The following SLC44A2 variants were observed in gnomAD, a reference collection of about 807,000 sequenced individuals.
The protein encoded by SLC44A2 is solute carrier family 44 member 2 (CTL2 blood group).
Under a neutral mutation model 90.8 loss-of-function variants are expected in SLC44A2, and 57 were observed. That is an observed-to-expected ratio of 0.63 (90% confidence interval 0.51 to 0.78). The LOEUF (loss-of-function observed/expected upper bound fraction) is 0.78, where lower values mean the gene tolerates loss of function less well. SLC44A2 is among the 30% of genes least tolerant of loss of function. The pLI is 0.00. For synonymous variants in SLC44A2, 355 were observed against 360.7 expected (o/e 0.98, Z 0.18); for missense variants, 794 against 919.7 (o/e 0.86, Z 1.77).
chr19:10,639,229 C>T (rs939118001), intron 20 of SLC44A2, among the ~76,000 whole-genome samples: 4 of 152,186 alleles, frequency 2.6e-5, no homozygotes, highest in African/African-American at 9.7e-5. Flanking sequence ...CCACCACGCC[C>T]GACCTCAGAC....
rs149430874 is a variant in SLC44A2, at chr19:10,631,655, G to A, written c.532G>A (p.Ala178Thr). 1.3e-4 allele frequency: 214 copies of A among 1,613,506 alleles called. No individual in the cohort carries two copies. Among genetic ancestry groups the A allele is most frequent in the South Asian group, 1.9e-4 (17 of 91,094 alleles). Reference sequence around the variant, plus strand: ...CCGGAGATGCTTCCCCGCTATCCACGCCTACAAGGGTGTCCTGATGGTGGG... The same window carrying A: ...CCGGAGATGCTTCCCCGCTATCCACACCTACAAGGGTGTCCTGATGGTGGG... ...LARRCFPAIHAYKGVLMVGNE... is the reference protein window; with the variant it reads ...LARRCFPAIHTYKGVLMVGNE... Residue 178 changes from alanine to threonine, a missense_variant, in exon 8 of 22, where the codon GCC becomes ACC. Transcript: ENST00000335757.
At chr19:10,624,144 C>T (rs1351166168), upstream of SLC44A2, among the ~76,000 whole-genome samples, 2 of 150,204 alleles carry the variant, frequency 1.3e-5, no homozygotes, top group African/African-American at 4.9e-5. Context: ...ACTACAGGTG[C>T]ACACCACAAC....
upstream of SLC44A2, among the ~76,000 whole-genome samples, chr19:10,623,303 A>G (rs1411583324): frequency 6.6e-6 from 1 of 151,794 alleles, no homozygotes; most frequent in Non-Finnish European, 1.5e-5. Flanking sequence ...CTAGGAGGAG[A>G]GGGCGCCTTT....
At chr19:10,622,188 G>A (rs192449792), upstream of SLC44A2, among the ~76,000 whole-genome samples, 10 of 152,322 alleles carry the variant, frequency 6.6e-5, no homozygotes, top group East Asian at 3.9e-4. Context: ...CCTGCTGAGC[G>A]TGGGACGTAC....
In SLC44A2 at chr19:10,642,369, G is replaced by C; in HGVS notation, c.1932G>C (p.Thr644=). ...ACAGCTCGTTTCTCCTTGCCCAGAC[G>C]GTGATCGTTGGCTCCTACTTGATTG... The part of the protein sequence containing the change: ...PLNYYWVPIL[T]VIVGSYLIAH... Residue 644 remains threonine (T), a splice_region_variant and synonymous_variant, in exon 21 of 22, where the codon ACG becomes ACC. Coordinates refer to ENST00000335757, the MANE Select transcript of SLC44A2 (RefSeq NM_020428.4). The C allele has an allele frequency of 1.2e-6, 2 of 1,614,018 alleles. No homozygotes were observed. Among genetic ancestry groups the C allele is most frequent in the Non-Finnish European group, 1.7e-6 (2 of 1,179,960 alleles).
intron 2 of SLC44A2, among the ~76,000 whole-genome samples, chr19:10,626,693 A>T (rs553356510): frequency 6.0e-5 from 9 of 151,160 alleles, no homozygotes; most frequent in South Asian, 2.1e-4. Flanking sequence ...AAGTGCTGGG[A>T]TTACAGGTGT....
chr19:10,603,614 C>T (rs1157486711), intron 1 of SLC44A2, among the ~76,000 whole-genome samples: 1 of 152,196 alleles, frequency 6.6e-6, no homozygotes, highest in Non-Finnish European at 1.5e-5. Context: ...GAGGCTGGGA[C>T]CTTCCCTGCA....
intron 20 of SLC44A2, chr19:10,641,050 G>A: frequency 2.4e-6 from 1 of 423,702 alleles, no homozygotes; most frequent in South Asian, 1.7e-5. Context: ...TCCCACCACT[G>A]CACTCCAGCC....
rs140808248 is a variant in SLC44A2 at position 10,631,281 on chromosome 19, G to C, written c.337G>C (p.Val113Leu). Residue 113 changes from valine to leucine, a missense_variant, in exon 6 of 22, where the codon GTG becomes CTG. Coordinates refer to ENST00000335757, the MANE Select transcript of SLC44A2 (RefSeq NM_020428.4). ...EFQCPTPQIC[V>L]EKCPDRYLTY... Reference sequence around the variant, plus strand: ...CTTCCTTCTCCCCTCCCAGATCTGCGTGGAAAAATGCCCCGACCGCTACCT... The same window carrying C: ...CTTCCTTCTCCCCTCCCAGATCTGCCTGGAAAAATGCCCCGACCGCTACCT... 4.7e-5 allele frequency: 76 copies of C among 1,613,886 alleles called. No homozygotes were observed. Among genetic ancestry groups the C allele is most frequent in the Non-Finnish European group, 5.0e-5 (59 of 1,180,020 alleles).
At chr19:10,633,289 G>A (rs1390493085) in intron 10 of SLC44A2, among the ~76,000 whole-genome samples, 1 of 151,012 alleles carries the variant, frequency 6.6e-6, no homozygotes, top group Non-Finnish European at 1.5e-5. Flanking sequence ...CTCGCCTCCC[G>A]AGTATCTGGG....
rs772264206 is a variant in SLC44A2, at chr19:10,637,689, G to C, written c.1637G>C (p.Cys546Ser). 8.7e-6 allele frequency: 14 copies of C among 1,613,982 alleles called. No individual in the cohort carries two copies. The Admixed American group carries it at 2.3e-4, about 27-fold the overall frequency. Reference protein sequence around the residue: ...FAKCLMTCLKCCFWCLEKFIK... With the variant: ...FAKCLMTCLKSCFWCLEKFIK... ...AAGTGCCTCATGACCTGTCTCAAAT[G>C]CTGCTTCTGGTGCCTGGAGAAGTTC... The change falls in exon 17 of 22, where the codon TGC becomes TCC. Residue 546 changes from cysteine (C) to serine (S), a missense_variant. This residue lies in a region of SLC44A2 where 738 missense variants were observed against 841.1 expected (regional missense o/e 0.88). Coordinates refer to ENST00000335757, the MANE Select transcript of SLC44A2 (RefSeq NM_020428.4).
intron 1 of SLC44A2, among the ~76,000 whole-genome samples, chr19:10,615,868 A>G (rs923464821): frequency 6.6e-6 from 1 of 152,028 alleles, no homozygotes; most frequent in Admixed American, 6.6e-5. Flanking sequence ...GGTGCTGTAA[A>G]GATGAAATGA....
In SLC44A2 at chr19:10,643,968, T is replaced by C. The variant is rs1175065388; in HGVS notation, c.*583T>C. On this transcript the variant is annotated 3_prime_UTR_variant, in exon 22 of 22. Transcript: ENST00000335757. ...CCGCCAAGGAGTGCCTTCCTTTTGC[T>C]CCCTCCTAGCTGGGAGTGACGGGTG... 1 of 152,626 alleles carries C rather than the reference T, an allele frequency of 6.6e-6. No homozygotes were observed. Among genetic ancestry groups the C allele is most frequent in the Non-Finnish European group, 1.5e-5 (1 of 68,098 alleles). The allele number at this position is 152,626 out of a possible 1,614,324, so 9.5% of individuals were successfully genotyped here.
At chr19:10,629,104 T>G (rs2066965509) in intron 4 of SLC44A2, among the ~76,000 whole-genome samples, 1 of 149,572 alleles carries the variant, frequency 6.7e-6, no homozygotes, top group Admixed American at 6.7e-5. Flanking sequence ...CTCAGGAGGC[T>G]GAGGCAGGAG....
Position 10,634,958 on chromosome 19 carries a change from CCT to C in SLC44A2, c.956-15_956-14del. 1 of 1,614,136 alleles carries C rather than the reference CCT, an allele frequency of 6.2e-7. No individual in the cohort carries two copies. Among genetic ancestry groups the C allele is most frequent in the Non-Finnish European group, 8.5e-7 (1 of 1,180,024 alleles). On this transcript the variant is annotated splice_polypyrimidine_tract_variant and intron_variant, in intron 11 of 21. Coordinates refer to ENST00000335757, the MANE Select transcript of SLC44A2 (RefSeq NM_020428.4). Reference sequence around the variant, plus strand: ...GGAGTGGGGAGCCCAGCCGGCTCAGCCTTTGCCCTTTGCAGTGATCATTCTGA... The same window carrying C: ...GGAGTGGGGAGCCCAGCCGGCTCAGCTTGCCCTTTGCAGTGATCATTCTGA...
At chr19:10,615,749 T>A (rs1030083267) in intron 1 of SLC44A2, among the ~76,000 whole-genome samples, 1 of 152,084 alleles carries the variant, frequency 6.6e-6, no homozygotes, top group Non-Finnish European at 1.5e-5. Flanking sequence ...AACATTGACT[T>A]GGGAGCTGGA....
chr19:10,615,396 A>G (rs1465173611), intron 1 of SLC44A2, among the ~76,000 whole-genome samples: 1 of 151,994 alleles, frequency 6.6e-6, no homozygotes, highest in Non-Finnish European at 1.5e-5. Flanking sequence ...CAACATGGTG[A>G]AACCCCATTT....
chr19:10,607,457 C>T (rs1367379948), intron 1 of SLC44A2, among the ~76,000 whole-genome samples: 1 of 151,552 alleles, frequency 6.6e-6, no homozygotes, highest in Non-Finnish European at 1.5e-5. Flanking sequence ...CTCAAGTGAT[C>T]CTCCTGCTTC....
chr19:10,631,464 T>A lies in SLC44A2; in HGVS notation c.442-11T>A, dbSNP rs750820221. ...ACTTGGGGACTCACCTCCCTCCATC[T>A]CTCTTGGCAGGGAGTGGCTGAGGTG... On this transcript the variant is annotated splice_polypyrimidine_tract_variant and intron_variant, in intron 6 of 21. Coordinates refer to ENST00000335757, the MANE Select transcript of SLC44A2 (RefSeq NM_020428.4). 1 of 1,613,994 alleles carries A rather than the reference T, an allele frequency of 6.2e-7. No homozygotes were observed. Among genetic ancestry groups the A allele is most frequent in the South Asian group, 1.1e-5 (1 of 91,082 alleles).
Sources: gnomAD v4.1 joint callset for allele counts (sites outside exome capture counted in the v4.1 genomes callset) on GRCh38, gnomAD v4.1.1 for gene constraint, gnomAD v4.1.1 regional missense constraint, MANE v1.5 for transcripts, NCBI Gene and HGNC (gene_info 2026-07-23, HGNC 2026-07-21) for gene names.